INSL6: variants seen among roughly 807,000 people sequenced by gnomAD.
INSL6 encodes the protein insulin like 6, also known as insulin-like peptide INSL6.
In INSL6, 16 loss-of-function variants were observed where a neutral mutation model predicts 9.4. The ratio of observed to expected loss-of-function variants is 1.70; its 90% CI spans 1.15 to 2.59. The LOEUF is 2.59. Among genes scored for constraint, INSL6 ranks in the 30% most tolerant of loss-of-function variants. INSL6 has a pLI of 0.00. For missense variants in INSL6, 391 were observed against 257.3 expected (o/e 1.52, Z -3.56); for synonymous variants, 154 against 96.9 (o/e 1.59, Z -3.46).
the INSL6 span, among the ~76,000 whole-genome samples, chr9:5,016,133 C>T: frequency 6.6e-6 from 1 of 152,148 alleles, no homozygotes; most frequent in Admixed American, 6.5e-5. Context: ...GGAAGGGGAA[C>T]CTCCCGCCAA....
the INSL6 span, among the ~76,000 whole-genome samples, chr9:5,001,028 C>A: frequency 6.6e-6 from 1 of 152,120 alleles, no homozygotes; most frequent in Non-Finnish European, 1.5e-5. Flanking sequence ...TATAGAAATA[C>A]AATTGGTTTT....
At chr9:5,095,477 G>A in the INSL6 span, among the ~76,000 whole-genome samples, 2 of 151,934 alleles carry the variant, frequency 1.3e-5, no homozygotes, top group Non-Finnish European at 2.9e-5. Flanking sequence ...TCCGGGCAAT[G>A]GACAATAATA....
chr9:5,126,459 T>G, intron 3 of INSL6: 1 of 1,552,082 alleles, frequency 6.4e-7, no homozygotes, highest in Non-Finnish European at 8.8e-7. Context: ...AACAATTTTT[T>G]TTTAATCCAG....
intron 2 of INSL6, among the ~76,000 whole-genome samples, chr9:5,146,318 G>C (rs978504081): frequency 3.9e-5 from 6 of 152,160 alleles, no homozygotes; most frequent in African/African-American, 1.2e-4. Flanking sequence ...CTACTGTGCT[G>C]GGTAGACCAA....
At position 5,183,432 on chromosome 9, in the gene INSL6, C is replaced by A. The variant is rs542649290; in HGVS notation, c.289+1882G>T. 8.5e-5 allele frequency among the ~76,000 whole-genome samples: 13 copies of A among 152,294 alleles called. No homozygotes were observed. The South Asian group carries it at 2.7e-3, about 32-fold the overall frequency. On this transcript the variant is annotated intron_variant, in intron 1 of 1. Coordinates refer to ENST00000381641, the MANE Select transcript of INSL6 (RefSeq NM_007179.3). ...TTTTTATTTTCTACAAGTCTTGTTT[C>A]ATTGCAGCTTCCTGCTCATTATTAA...
the INSL6 span, chr9:5,077,571 G>A: frequency 2.7e-6 from 4 of 1,481,630 alleles, no homozygotes; most frequent in East Asian, 2.6e-5. Context: ...CATGGGCCAT[G>A]CATTTTCTAG....
the INSL6 span, among the ~76,000 whole-genome samples, chr9:5,103,405 A>G: frequency 1.3e-5 from 2 of 151,982 alleles, no homozygotes; most frequent in African/African-American, 4.8e-5. Context: ...ATACAGCAGC[A>G]CCAAGATTCA....
chr9:5,131,435 A>ATTTTTTTT (rs550915336), intron 3 of INSL6, among the ~76,000 whole-genome samples: 16,210 of 114,290 alleles, frequency 0.14, 1,548 homozygotes, highest in South Asian at 0.2. Flanking sequence ...CCAGTTAACA[A>ATTTTTTTT]TTTTTTTTTT....
chr9:5,047,443 A>G, the INSL6 span, among the ~76,000 whole-genome samples: 3 of 152,242 alleles, frequency 2.0e-5, no homozygotes, highest in Non-Finnish European at 4.4e-5. Flanking sequence ...ATCATCAAAT[A>G]TGGCTGCTAA....
the INSL6 span, among the ~76,000 whole-genome samples, chr9:5,093,221 G>C: frequency 6.6e-6 from 1 of 152,092 alleles, no homozygotes; most frequent in African/African-American, 2.4e-5. Context: ...ATCCAACACA[G>C]GCATGCTCTA....
At chr9:4,998,438 G>T in the INSL6 span, among the ~76,000 whole-genome samples, 9 of 152,030 alleles carry the variant, frequency 5.9e-5, no homozygotes, top group Non-Finnish European at 1.3e-4. Flanking sequence ...TGTATTTTTA[G>T]TAGAGACGGG....
intron 3 of INSL6, among the ~76,000 whole-genome samples, chr9:5,130,996 C>A (rs374950239): frequency 5.3e-5 from 8 of 151,850 alleles, no homozygotes; most frequent in African/African-American, 1.4e-4. Flanking sequence ...CCCAAAGTGT[C>A]GGGATTACAG....
At chr9:5,029,691 T>C in the INSL6 span, 1 of 1,164,170 alleles carries the variant, frequency 8.6e-7, no homozygotes, top group African/African-American at 1.6e-5. Flanking sequence ...ATTTTAAGAG[T>C]TGTTACTTTA....
chr9:5,182,256 T>C (rs1223182035), intron 1 of INSL6, among the ~76,000 whole-genome samples: 4 of 152,122 alleles, frequency 2.6e-5, no homozygotes, highest in African/African-American at 4.8e-5. Flanking sequence ...AATGTTCACA[T>C]AGCAACAATA....
chr9:5,181,341 C>G (rs192594328), intron 1 of INSL6, among the ~76,000 whole-genome samples: 2 of 151,874 alleles, frequency 1.3e-5, no homozygotes, highest in African/African-American at 4.8e-5. Context: ...AAATAAATGA[C>G]CAATTAAATA....
chr9:5,145,639 G>A (rs561564685), intron 2 of INSL6, among the ~76,000 whole-genome samples: 1 of 152,280 alleles, frequency 6.6e-6, no homozygotes, highest in South Asian at 2.1e-4. Flanking sequence ...ATATTTCTTG[G>A]AAGGTTTGTT....
At chr9:5,029,997 C>T in the INSL6 span, 1 of 1,110,752 alleles carries the variant, frequency 9.0e-7, no homozygotes, top group Non-Finnish European at 1.3e-6. Context: ...TACTTAATAC[C>T]AGATACCTGA....
At chr9:5,130,982 G>A (rs1824268290) in intron 3 of INSL6, among the ~76,000 whole-genome samples, 2 of 151,932 alleles carry the variant, frequency 1.3e-5, no homozygotes, top group African/African-American at 4.8e-5. Context: ...GCCCGCCTCG[G>A]CCTCCCAAAG....
chr9:5,125,521 T>G (rs989920600), intron 3 of INSL6, among the ~76,000 whole-genome samples: 1 of 151,454 alleles, frequency 6.6e-6, no homozygotes, highest in African/African-American at 2.4e-5. Flanking sequence ...ATAATTATCT[T>G]AGAATAAAAG....
Sources: gnomAD v4.1 joint callset for allele counts (sites outside exome capture counted in the v4.1 genomes callset) on GRCh38, gnomAD v4.1.1 for gene constraint, MANE v1.5 for transcripts, NCBI Gene and HGNC (gene_info 2026-07-23, HGNC 2026-07-21) for gene names.